The following GMDS variants were observed in gnomAD, a reference collection of about 807,000 sequenced individuals.
GMDS encodes the protein GDP-mannose 4,6-dehydratase, also known as GDP-mannose 4,6 dehydratase.
Under a neutral mutation model 49.9 loss-of-function variants are expected in GMDS, and 20 were observed. That is an observed-to-expected ratio of 0.40 (90% CI 0.28 to 0.58). The LOEUF is 0.58. Ranked by LOEUF, GMDS falls within the 20% of genes least tolerant of loss-of-function variation. GMDS has a pLI of 0.42. For synonymous variants in GMDS, 177 were observed against 178.6 expected (o/e 0.99, Z 0.07); for missense variants, 362 against 481.4 (o/e 0.75, Z 2.32).
chr6:1,880,284 CAAAAA>C (rs34490393), intron 7 of GMDS, among the ~76,000 whole-genome samples: 2 of 59,112 alleles, frequency 3.4e-5, no homozygotes, highest in Admixed American at 2.3e-4. Context: ...CTCATTTCCA[CAAAAA>C]AAAAAAAAAA....
At chr6:1,899,673 A>C (rs1760398580) in intron 7 of GMDS, among the ~76,000 whole-genome samples, 1 of 152,230 alleles carries the variant, frequency 6.6e-6, no homozygotes, top group Non-Finnish European at 1.5e-5. Flanking sequence ...CTTCAGTGGA[A>C]ACTTAGCTCA....
chr6:1,857,431 T>G (rs1320499952), intron 7 of GMDS, among the ~76,000 whole-genome samples: 1 of 152,120 alleles, frequency 6.6e-6, no homozygotes, highest in African/African-American at 2.4e-5. Flanking sequence ...GGGCTGAGAG[T>G]TGCTGTCTGC....
At chr6:2,090,809 G>A (rs775878461) in intron 4 of GMDS, among the ~76,000 whole-genome samples, 1 of 152,132 alleles carries the variant, frequency 6.6e-6, no homozygotes, top group Admixed American at 6.5e-5. Context: ...CTGAAGTTTC[G>A]AGTCTCATCA....
intron 4 of GMDS, among the ~76,000 whole-genome samples, chr6:2,010,334 A>T (rs1359406469): frequency 6.6e-6 from 1 of 151,724 alleles, no homozygotes; most frequent in Non-Finnish European, 1.5e-5. Context: ...CTCAAAAAAA[A>T]AAAAAAGAAA....
intron 7 of GMDS, among the ~76,000 whole-genome samples, chr6:1,816,320 T>C (rs1770670911): frequency 6.6e-6 from 1 of 152,246 alleles, no homozygotes; most frequent in African/African-American, 2.4e-5. Flanking sequence ...AATATTTTTA[T>C]GACTGCCAGA....
intron 6 of GMDS, among the ~76,000 whole-genome samples, chr6:1,937,750 A>T (rs1476609776): frequency 6.6e-6 from 1 of 152,252 alleles, no homozygotes; most frequent in Admixed American, 6.5e-5. Flanking sequence ...CCTTCATCTC[A>T]AGATCCTTAA....
chr6:1,632,229 C>T (rs1763022633), intron 9 of GMDS, among the ~76,000 whole-genome samples: 1 of 152,212 alleles, frequency 6.6e-6, no homozygotes, highest in Admixed American at 6.5e-5. Flanking sequence ...GTAAACAATA[C>T]ACTTTACACA....
intron 1 of GMDS, among the ~76,000 whole-genome samples, chr6:2,226,628 T>C (rs1326793560): frequency 6.6e-6 from 1 of 152,184 alleles, no homozygotes; most frequent in African/African-American, 2.4e-5. Context: ...ATCACAGGAA[T>C]TTTTTTAAGT....
At chr6:2,231,217 G>A (rs1781092338) in intron 1 of GMDS, among the ~76,000 whole-genome samples, 1 of 151,996 alleles carries the variant, frequency 6.6e-6, no homozygotes, top group Admixed American at 6.6e-5. Flanking sequence ...GATTCCCTGG[G>A]TATCTTGACT....
chr6:2,106,521 T>C (rs1774251126), intron 4 of GMDS, among the ~76,000 whole-genome samples: 1 of 152,154 alleles, frequency 6.6e-6, no homozygotes, highest in Non-Finnish European at 1.5e-5. Flanking sequence ...AAACAAAGTA[T>C]CATTTATGTC....
intron 4 of GMDS, among the ~76,000 whole-genome samples, chr6:1,998,043 A>G (rs1766402951): frequency 6.6e-6 from 1 of 152,236 alleles, no homozygotes; most frequent in Non-Finnish European, 1.5e-5. Flanking sequence ...CCAGTTACTT[A>G]GGGAAGCTAC....
At chr6:1,893,286 C>T (rs1387852083) in intron 7 of GMDS, among the ~76,000 whole-genome samples, 1 of 151,584 alleles carries the variant, frequency 6.6e-6, no homozygotes, top group African/African-American at 2.4e-5. Flanking sequence ...CTCCACCTCC[C>T]GGGTTCAAGC....
chr6:1,843,475 T>C (rs1757236928), intron 7 of GMDS, among the ~76,000 whole-genome samples: 1 of 152,052 alleles, frequency 6.6e-6, no homozygotes, highest in Non-Finnish European at 1.5e-5. Flanking sequence ...CTCTCTTAAA[T>C]GTAAGGAGCA....
At chr6:1,672,232 C>T (rs1473761678) in intron 9 of GMDS, among the ~76,000 whole-genome samples, 1 of 152,074 alleles carries the variant, frequency 6.6e-6, no homozygotes, top group Non-Finnish European at 1.5e-5. Flanking sequence ...CATGTTTTCC[C>T]AAATGATAAA....
chr6:2,077,193 T>C (rs1380833592), intron 4 of GMDS, among the ~76,000 whole-genome samples: 1 of 152,140 alleles, frequency 6.6e-6, no homozygotes, highest in African/African-American at 2.4e-5. Flanking sequence ...TTTTTTGTGG[T>C]AGTCTTGTTT....
In GMDS at chr6:1,930,068, G is replaced by C. The variant is rs372066486; in HGVS notation, c.771+35C>G. ...TGGCATTTAGAATATCAATGGATAC[G>C]GGTATTTTCAAGAATGTAATGTGTC... is the stretch of plus-strand genomic sequence containing the variant. On this transcript the variant is annotated intron_variant, in intron 7 of 10. Coordinates refer to ENST00000380815, the MANE Select transcript of GMDS (RefSeq NM_001500.4). The C allele has an allele frequency of 1.9e-6, 3 of 1,567,574 alleles. No homozygotes were observed. In the South Asian group the frequency reaches 3.5e-5, roughly 18 times the overall value.
intron 1 of GMDS, among the ~76,000 whole-genome samples, chr6:2,155,380 A>C (rs2127541090): frequency 6.6e-6 from 1 of 152,310 alleles, no homozygotes; most frequent in Non-Finnish European, 1.5e-5. Context: ...GTTTCCAGAA[A>C]TGAAGTGGAT....
chr6:1,921,956 G>A (rs886789636), intron 7 of GMDS, among the ~76,000 whole-genome samples: 3 of 152,138 alleles, frequency 2.0e-5, no homozygotes, highest in Non-Finnish European at 4.4e-5. Flanking sequence ...AAAAATCGAT[G>A]AGTATTACAA....
At chr6:2,043,606 TAA>T (rs1212128017) in intron 4 of GMDS, among the ~76,000 whole-genome samples, 2 of 152,202 alleles carry the variant, frequency 1.3e-5, no homozygotes, top group Admixed American at 1.3e-4. Context: ...TTTATCTGTT[TAA>T]GTTTTTTAAA....
Sources: allele counts gnomAD v4.1 joint callset (sites outside exome capture counted in the v4.1 genomes callset), GRCh38; gene constraint gnomAD v4.1.1; transcripts MANE v1.5; gene names NCBI Gene and HGNC (gene_info 2026-07-23, HGNC 2026-07-21).